TENM3: variants seen among roughly 807,000 people sequenced by gnomAD.
TENM3 encodes the protein teneurin transmembrane protein 3.
In TENM3, 63 loss-of-function variants were observed where a neutral mutation model predicts 255.1. The observed-to-expected ratio is 0.25, with a 90% confidence interval of 0.20 to 0.30. The LOEUF (loss-of-function observed/expected upper bound fraction) is 0.30. Among genes scored for constraint, TENM3 ranks in the 10% least tolerant of loss-of-function variants. The pLI is 1.00. For synonymous variants in TENM3, 1,306 were observed against 1,322.3 expected, an observed-to-expected ratio of 0.99 and a Z score of 0.27; for missense variants, 2,929 against 3,461.1, an observed-to-expected ratio of 0.85 and a Z score of 3.86.
rs146135234 is a variant in TENM3 at position 182,560,665 on chromosome 4, C to G, written c.512-40259C>G. On this transcript the variant is annotated intron_variant, in intron 3 of 27. Coordinates refer to ENST00000511685, the MANE Select transcript of TENM3 (RefSeq NM_001080477.4). ...GCAGGAATAAAACCGACAAGTATCACATCTGTTTCATGCTGCTTCTCCAGT... is the reference window on the plus strand; with the variant it reads ...GCAGGAATAAAACCGACAAGTATCAGATCTGTTTCATGCTGCTTCTCCAGT... Among the ~76,000 whole-genome samples the G allele has an allele frequency of 4.1e-3, 620 of 152,302 alleles. 4 individuals are homozygous for G. The highest frequency in any genetic ancestry group is 0.013 in the African/African-American group (546 of 41,568).
the TENM3 span, among the ~76,000 whole-genome samples, chr4:181,901,881 C>T: frequency 1.3e-5 from 2 of 151,984 alleles, no homozygotes; most frequent in Non-Finnish European, 2.9e-5. Context: ...TTCATTCCCC[C>T]CCACCCAAAA....
At chr4:182,156,760 A>T (rs9997224) in intron 1 of TENM3, among the ~76,000 whole-genome samples, 41,868 of 151,728 alleles carry the variant, frequency 0.28, 6,310 homozygotes, top group Admixed American at 0.37. Context: ...ATCTTCATTT[A>T]TAGTGTGTGC....
intron 1 of TENM3, among the ~76,000 whole-genome samples, chr4:182,203,383 G>T (rs1337838771): frequency 6.6e-6 from 1 of 152,176 alleles, no homozygotes; most frequent in Admixed American, 6.5e-5. Flanking sequence ...TTAAGTGTTA[G>T]CTTCCTTCAC....
At chr4:181,975,910 C>T in the TENM3 span, 8 of 152,222 alleles carry the variant, frequency 5.3e-5, no homozygotes, top group African/African-American at 9.6e-5. Context: ...GGCTACAAGT[C>T]GAAAATCAAG....
intron 3 of TENM3, among the ~76,000 whole-genome samples, chr4:182,573,219 T>C (rs114937025): frequency 1.5e-3 from 221 of 152,320 alleles, no homozygotes; most frequent in African/African-American, 5.1e-3. Flanking sequence ...TGTCAGGATT[T>C]GAGTAGGACT....
intron 1 of TENM3, among the ~76,000 whole-genome samples, chr4:182,196,909 G>A (rs568693689): frequency 1.4e-4 from 22 of 152,004 alleles, no homozygotes; most frequent in South Asian, 2.1e-4. Flanking sequence ...CCTTTCTCTC[G>A]TCCTCAAATG....
chr4:181,850,431 T>A, the TENM3 span, among the ~76,000 whole-genome samples: 1 of 152,136 alleles, frequency 6.6e-6, no homozygotes, highest in Non-Finnish European at 1.5e-5. Flanking sequence ...ATATGACATT[T>A]AAAATATTTT....
At chr4:181,854,698 T>C in the TENM3 span, among the ~76,000 whole-genome samples, 3 of 152,214 alleles carry the variant, frequency 2.0e-5, no homozygotes, top group African/African-American at 4.8e-5. Flanking sequence ...CAAGTAATTT[T>C]AGGTCAGTAG....
At chr4:182,635,775 A>G (rs147011841) in intron 5 of TENM3, among the ~76,000 whole-genome samples, 141 of 152,330 alleles carry the variant, frequency 9.3e-4, no homozygotes, top group African/African-American at 3.0e-3. Flanking sequence ...TGTCGAATCC[A>G]GGTTCATTGC....
At chr4:182,358,930 G>T (rs948080925) in intron 3 of TENM3, among the ~76,000 whole-genome samples, 2 of 151,804 alleles carry the variant, frequency 1.3e-5, no homozygotes, top group African/African-American at 2.4e-5. Flanking sequence ...TAGCGTGAAG[G>T]GTTGTTGAAT....
chr4:182,595,379 A>T (rs1429637377), intron 3 of TENM3, among the ~76,000 whole-genome samples: 1 of 152,086 alleles, frequency 6.6e-6, no homozygotes, highest in East Asian at 1.9e-4. Context: ...TAGTCAACAT[A>T]CTTTATTCAG....
At chr4:181,887,483 G>A in the TENM3 span, among the ~76,000 whole-genome samples, 1 of 151,938 alleles carries the variant, frequency 6.6e-6, no homozygotes, top group African/African-American at 2.4e-5. Flanking sequence ...TTTCCGTTTA[G>A]TTCTCTTCAT....
the TENM3 span, among the ~76,000 whole-genome samples, chr4:181,945,822 A>G: frequency 6.6e-6 from 1 of 152,118 alleles, no homozygotes; most frequent in Non-Finnish European, 1.5e-5. Flanking sequence ...AATCAATTTG[A>G]CTGGTAAATA....
chr4:181,937,150 G>A, the TENM3 span, among the ~76,000 whole-genome samples: 3 of 152,188 alleles, frequency 2.0e-5, no homozygotes, highest in African/African-American at 7.2e-5. Flanking sequence ...CGTGTGCAAA[G>A]CTCTGACAGT....
rs188245226 is a variant in TENM3 at position 182,216,569 on chromosome 4, A to G, written c.-76+71815A>G. Among the ~76,000 whole-genome samples, 380 of 152,352 alleles carry G rather than the reference A, an allele frequency of 2.5e-3. 2 individuals carry two copies. The highest frequency in any genetic ancestry group is 8.6e-3 in the African/African-American group (356 of 41,580). On this transcript the variant is annotated intron_variant, in intron 1 of 2. Coordinates refer to the TENM3 transcript ENST00000512480. Reference sequence around the variant, plus strand: ...TCATCACCAAGCCTACCTGAATAGGAAAAATAAAGGTGATGTACGTGTGAG... The same window carrying G: ...TCATCACCAAGCCTACCTGAATAGGGAAAATAAAGGTGATGTACGTGTGAG...
the TENM3 span, among the ~76,000 whole-genome samples, chr4:182,058,749 A>G: frequency 6.6e-6 from 1 of 152,150 alleles, no homozygotes; most frequent in Non-Finnish European, 1.5e-5. Context: ...TCCCTAAGAA[A>G]TTATTTAAGG....
At chr4:181,609,939 G>T in the TENM3 span, among the ~76,000 whole-genome samples, 1 of 150,290 alleles carries the variant, frequency 6.7e-6, no homozygotes. Flanking sequence ...AATAATACTG[G>T]AACATAAGAA....
the TENM3 span, among the ~76,000 whole-genome samples, chr4:181,465,174 T>G: frequency 6.9e-6 from 1 of 144,380 alleles, no homozygotes; most frequent in Admixed American, 6.9e-5. Flanking sequence ...AAGATATGAT[T>G]TTTGAAAGAA....
At chr4:181,707,981 A>G in the TENM3 span, among the ~76,000 whole-genome samples, 5 of 152,192 alleles carry the variant, frequency 3.3e-5, no homozygotes, top group African/African-American at 9.6e-5. Flanking sequence ...TTCTGTTTGC[A>G]GCAAATGATT....
Sources: allele counts gnomAD v4.1 joint callset (sites outside exome capture counted in the v4.1 genomes callset), GRCh38; gene constraint gnomAD v4.1.1; transcripts MANE v1.5; gene names NCBI Gene and HGNC (gene_info 2026-07-23, HGNC 2026-07-21).